C2CD5: variants seen among roughly 807,000 people sequenced by gnomAD.
C2CD5 encodes C2 domain-containing protein 5.
A neutral mutation model predicts 130.3 loss-of-function variants in C2CD5; 109 were observed. That is an observed-to-expected ratio of 0.84 (90% CI 0.72 to 0.98). The LOEUF (loss-of-function observed/expected upper bound fraction) is 0.98, where lower values mean the gene tolerates loss of function less well. Ranked by LOEUF, C2CD5 falls within the 50% of genes least tolerant of loss-of-function variation. The pLI is 0.00. For synonymous variants in C2CD5, 454 were observed against 429.2 expected (o/e 1.06, Z -0.71); for missense variants, 996 against 1,261.8 (o/e 0.79, Z 3.19).
intron 2 of C2CD5, among the ~76,000 whole-genome samples, chr12:22,539,768 TG>T (rs1952170724): frequency 6.6e-6 from 1 of 151,988 alleles, no homozygotes; most frequent in Non-Finnish European, 1.5e-5. Context: ...CCAATGTGGG[TG>T]GATCACCTGA....
intron 14 of C2CD5, 63 bp downstream of exon 14, chr12:22,482,494 A>G (rs1944876922): frequency 2.2e-6 from 3 of 1,355,604 alleles, no homozygotes; most frequent in Admixed American, 1.9e-5. Context: ...TTTGAATCAC[A>G]TAACATAGAA....
In C2CD5 at chr12:22,459,359, A is replaced by C. The variant is rs1444041824; in HGVS notation, c.2584+133T>G. On this transcript the variant is annotated intron_variant, in intron 23 of 26. Transcript: ENST00000446597. ...TTTAAAAGAACATATTCTACCTACAAAAAAAAAAAAGCCAGATTTTGGTGT... is the reference window on the plus strand; with the variant it reads ...TTTAAAAGAACATATTCTACCTACACAAAAAAAAAAGCCAGATTTTGGTGT... The C allele has an allele frequency of 8.7e-4, 299 of 341,880 alleles. 1 individual carries two copies. The highest frequency in any genetic ancestry group is 1.4e-3 in the Admixed American group (29 of 20,306). The allele number at this position is 341,880 out of a possible 1,614,324, so 21.2% of individuals were successfully genotyped here. A position where few individuals can be genotyped will look rare whatever the true frequency, so the allele number is the denominator to read the frequency against.
At chr12:22,503,619 T>C (rs1948088864) in intron 10 of C2CD5, among the ~76,000 whole-genome samples, 1 of 152,116 alleles carries the variant, frequency 6.6e-6, no homozygotes, top group Non-Finnish European at 1.5e-5. Flanking sequence ...CAAGTGATCC[T>C]CCTGCCTCAG....
chr12:22,450,763 T>C (rs1452826868), intron 26 of C2CD5, among the ~76,000 whole-genome samples: 2 of 152,114 alleles, frequency 1.3e-5, no homozygotes, highest in East Asian at 3.8e-4. Flanking sequence ...ACATTGTTTT[T>C]GTAGCACTGT....
intron 23 of C2CD5, chr12:22,458,863 A>G (rs1374673223): frequency 4.3e-6 from 1 of 234,662 alleles, no homozygotes; most frequent in African/African-American, 2.2e-5. Flanking sequence ...CATAAATATC[A>G]ATGAAAGGAC....
At chr12:22,509,562 A>T (rs1948955749) in intron 9 of C2CD5, among the ~76,000 whole-genome samples, 1 of 152,202 alleles carries the variant, frequency 6.6e-6, no homozygotes, top group Admixed American at 6.5e-5. Context: ...ATAAATAAAA[A>T]TGTCATTGTT....
Position 22,484,889 on chromosome 12 carries a change from C to A in C2CD5, c.1359-1G>T. On this transcript the variant is annotated splice_acceptor_variant, in intron 12 of 26. Transcript: ENST00000446597. LOFTEE classifies it high-confidence loss of function. ...ACGTGTAGGCAAATTTTCTTCAAGCCTATATAAATAAATAAAAAAATAAGA... is the reference window on the plus strand; with the variant it reads ...ACGTGTAGGCAAATTTTCTTCAAGCATATATAAATAAATAAAAAAATAAGA... 4.9e-6 allele frequency: 7 copies of A among 1,430,214 alleles called. No homozygotes were observed. Among genetic ancestry groups the A allele is most frequent in the South Asian group, 1.5e-5 (1 of 68,196 alleles). The allele number at this position is 1,430,214 out of a possible 1,614,324, so 88.6% of individuals were successfully genotyped here.
chr12:22,504,465 C>T (rs1211730109), intron 10 of C2CD5, among the ~76,000 whole-genome samples: 2 of 152,068 alleles, frequency 1.3e-5, no homozygotes, highest in Non-Finnish European at 1.5e-5. Context: ...CCAGGCCCAG[C>T]TAATTTTTGT....
chr12:22,467,241 C>T, intron 22 of C2CD5, among the ~76,000 whole-genome samples: 1 of 152,132 alleles, frequency 6.6e-6, no homozygotes. Context: ...ATGATCACAG[C>T]TTACTGTAGC....
At chr12:22,497,257 T>C (rs1484812917) in intron 10 of C2CD5, among the ~76,000 whole-genome samples, 1 of 152,052 alleles carries the variant, frequency 6.6e-6, no homozygotes, top group Non-Finnish European at 1.5e-5. Flanking sequence ...TTACCAACAC[T>C]GTACTGTATA....
intron 22 of C2CD5, among the ~76,000 whole-genome samples, chr12:22,464,251 AT>A (rs1251782172): frequency 7.9e-5 from 12 of 152,174 alleles, no homozygotes; most frequent in Admixed American, 3.9e-4. Flanking sequence ...TAACTTCCCT[AT>A]TTGGGTCATT....
intron 15 of C2CD5, among the ~76,000 whole-genome samples, chr12:22,477,773 T>C (rs1020379330): frequency 7.9e-5 from 12 of 152,136 alleles, no homozygotes; most frequent in African/African-American, 2.9e-4. Context: ...AGGAAATGAC[T>C]GGGAGCAAAT....
intron 7 of C2CD5, among the ~76,000 whole-genome samples, chr12:22,521,486 T>C (rs1311438807): frequency 6.6e-6 from 1 of 152,156 alleles, no homozygotes; most frequent in Non-Finnish European, 1.5e-5. Context: ...TCATTCTCCT[T>C]CCACTAGGTA....
intron 22 of C2CD5, 104 bp from the exon 23 acceptor site, chr12:22,459,646 A>G: frequency 1.6e-6 from 1 of 626,454 alleles, no homozygotes; most frequent in Non-Finnish European, 2.7e-6. Flanking sequence ...AATAGGAGGA[A>G]ATCTTTATGG....
chr12:22,541,061 C>T (rs1185218454), intron 2 of C2CD5, among the ~76,000 whole-genome samples: 2 of 152,102 alleles, frequency 1.3e-5, no homozygotes, highest in Non-Finnish European at 1.5e-5. Context: ...TCATTTTTAA[C>T]TCAGACCTCT....
At chr12:22,481,547 A>G (rs1217134610) in intron 14 of C2CD5, among the ~76,000 whole-genome samples, 1 of 151,946 alleles carries the variant, frequency 6.6e-6, no homozygotes, top group Non-Finnish European at 1.5e-5. Flanking sequence ...CCTCATTAAC[A>G]TCTTTCCAGT....
chr12:22,459,587 A>G, intron 22 of C2CD5, 45 bp from the exon 23 acceptor site: 1 of 1,164,100 alleles, frequency 8.6e-7, no homozygotes, highest in Non-Finnish European at 1.2e-6. Context: ...GCTAAGTACA[A>G]GCCAGTACCT....
chr12:22,463,723 T>G (rs1941591892), intron 22 of C2CD5: 1 of 152,232 alleles, frequency 6.6e-6, no homozygotes, highest in Non-Finnish European at 1.5e-5. Flanking sequence ...CTATTCACTT[T>G]ATATCATTAG....
At chr12:22,489,505 G>T (rs964823282) in intron 12 of C2CD5, among the ~76,000 whole-genome samples, 3 of 151,952 alleles carry the variant, frequency 2.0e-5, no homozygotes, top group African/African-American at 7.2e-5. Context: ...TGATGAACAG[G>T]TATTATATCA....
Sources: gnomAD v4.1 joint callset for allele counts (sites outside exome capture counted in the v4.1 genomes callset) on GRCh38, gnomAD v4.1.1 for gene constraint, MANE v1.5 for transcripts, NCBI Gene and HGNC (gene_info 2026-07-23, HGNC 2026-07-21) for gene names.